Variants in RAPGEF2 observed in about 807,000 individuals in gnomAD.
The protein encoded by RAPGEF2 is PDZ domain containing guanine nucleotide exchange factor (GEF) 1.
A neutral mutation model predicts 186.7 loss-of-function variants in RAPGEF2; 54 were observed. The observed-to-expected ratio is 0.29, with a 90% CI of 0.23 to 0.36. The LOEUF is 0.36. RAPGEF2 is among the 10% of genes least tolerant of loss of function. The pLI is 1.00. For synonymous variants in RAPGEF2, 712 were observed against 705.9 expected (o/e 1.01, Z -0.14); for missense variants, 1,532 against 2,045.0 (o/e 0.75, Z 4.84).
At chr4:159,202,794 G>T (rs1031866405) in intron 3 of RAPGEF2, among the ~76,000 whole-genome samples, 7 of 152,042 alleles carry the variant, frequency 4.6e-5, no homozygotes, top group Non-Finnish European at 8.8e-5. Flanking sequence ...TAGAGACGGG[G>T]TTTCACCATG....
intron 25 of RAPGEF2, among the ~76,000 whole-genome samples, chr4:159,348,677 T>C (rs1448035292): frequency 2.0e-5 from 3 of 152,236 alleles, no homozygotes; most frequent in Non-Finnish European, 4.4e-5. Flanking sequence ...GTCTTCACTT[T>C]AGCTAAAAAT....
chr4:159,287,700 G>A (rs924908719), intron 7 of RAPGEF2, among the ~76,000 whole-genome samples: 2 of 152,018 alleles, frequency 1.3e-5, no homozygotes, highest in African/African-American at 4.8e-5. Flanking sequence ...GATTTATGGG[G>A]GTTTGTGGAA....
At chr4:159,145,279 T>C (rs1264768253) in intron 1 of RAPGEF2, among the ~76,000 whole-genome samples, 1 of 152,194 alleles carries the variant, frequency 6.6e-6, no homozygotes, top group Non-Finnish European at 1.5e-5. Context: ...GTTATATCAG[T>C]GCTTGCTGTC....
At chr4:159,214,080 TTG>T (rs1209414417) in intron 4 of RAPGEF2, among the ~76,000 whole-genome samples, 8 of 152,258 alleles carry the variant, frequency 5.3e-5, no homozygotes, top group Non-Finnish European at 8.8e-5. Context: ...TTCAGTTTCT[TTG>T]TATCAATGGA....
intron 1 of RAPGEF2, among the ~76,000 whole-genome samples, chr4:159,153,300 A>C (rs934177521): frequency 2.0e-5 from 3 of 152,100 alleles, no homozygotes; most frequent in Non-Finnish European, 2.9e-5. Context: ...GGGGTTCACC[A>C]CCCACCCCCC....
chr4:159,185,038 T>C (rs967659199), intron 1 of RAPGEF2, among the ~76,000 whole-genome samples: 10 of 152,118 alleles, frequency 6.6e-5, no homozygotes, highest in Admixed American at 2.0e-4. Flanking sequence ...TAGACACTTA[T>C]CCAAGAAGTT....
chr4:159,172,143 A>G (rs907339092), intron 1 of RAPGEF2, among the ~76,000 whole-genome samples: 4 of 152,234 alleles, frequency 2.6e-5, no homozygotes, highest in Admixed American at 2.6e-4. Context: ...GCCACACACT[A>G]GTGAGAATTC....
chr4:159,206,887 A>C (rs751605018), intron 3 of RAPGEF2, among the ~76,000 whole-genome samples: 6 of 152,186 alleles, frequency 3.9e-5, no homozygotes, highest in African/African-American at 1.4e-4. Context: ...GCTTACAACT[A>C]TTTCCAGAAC....
At chr4:159,168,530 G>T (rs939040177) in intron 1 of RAPGEF2, among the ~76,000 whole-genome samples, 2 of 151,826 alleles carry the variant, frequency 1.3e-5, no homozygotes, top group African/African-American at 4.8e-5. Flanking sequence ...ACAGCTGGTG[G>T]TTCTGCCAAG....
rs146623133 is a variant in RAPGEF2, at chr4:159,357,326, A to T, written c.4958-788A>T. 3.1e-3 allele frequency among the ~76,000 whole-genome samples: 477 copies of T among 152,304 alleles called. 2 individuals are homozygous for T. The highest frequency in any genetic ancestry group is 0.011 in the African/African-American group (451 of 41,578). ...TGGTGACCCATGATTGTGCCACTGCACCGTAGCCTAGGTAGCAGAGCAAGA... is the reference window on the plus strand; with the variant it reads ...TGGTGACCCATGATTGTGCCACTGCTCCGTAGCCTAGGTAGCAGAGCAAGA... On this transcript the variant is annotated intron_variant, in intron 29 of 29. Transcript: ENST00000691494.
At chr4:159,226,447 G>C (rs758897101) in intron 4 of RAPGEF2, among the ~76,000 whole-genome samples, 1 of 152,012 alleles carries the variant, frequency 6.6e-6, no homozygotes, top group Non-Finnish European at 1.5e-5. Flanking sequence ...CTTTGTTCTT[G>C]ATTGTTTTTA....
intron 4 of RAPGEF2, among the ~76,000 whole-genome samples, chr4:159,226,864 G>A (rs1001491262): frequency 5.9e-5 from 9 of 152,172 alleles, no homozygotes; most frequent in African/African-American, 2.2e-4. Flanking sequence ...ATGGGCTCAT[G>A]AGAAAAGTCC....
chr4:159,185,872 A>T (rs1747503430), intron 1 of RAPGEF2, among the ~76,000 whole-genome samples: 1 of 152,304 alleles, frequency 6.6e-6, no homozygotes, highest in South Asian at 2.1e-4. Context: ...ATTTCTTAAA[A>T]TAGATCTGTT....
Position 159,352,613 on chromosome 4 carries a change from C to T in RAPGEF2, c.3866-72C>T, listed in dbSNP as rs560847746. ...CTATGCCTGCATTTTATTTTTGCTT[C>T]TATTTGGTAGACTTCCCTTTGATGT... On this transcript the variant is annotated intron_variant, in intron 26 of 29. Transcript: ENST00000691494. 1.9e-5 allele frequency: 24 copies of T among 1,273,246 alleles called. No homozygotes were observed. The African/African-American group carries it at 3.4e-4, about 18-fold the overall frequency. The allele number at this position is 1,273,246 out of a possible 1,614,324, so 78.9% of individuals were successfully genotyped here. A position where few individuals can be genotyped will look rare whatever the true frequency, so the allele number is the denominator to read the frequency against.
At chr4:159,259,881 G>A (rs1756603137) in intron 7 of RAPGEF2, among the ~76,000 whole-genome samples, 1 of 152,034 alleles carries the variant, frequency 6.6e-6, no homozygotes, top group African/African-American at 2.4e-5. Flanking sequence ...TCAGATTATT[G>A]TTTAAAATCA....
rs190103821 is a variant in RAPGEF2, at chr4:159,269,544, A to G, written c.543+25753A>G. The stretch of plus-strand genomic sequence containing the variant: ...TTTGAAATTAAACTCTTCTGTAGTC[A>G]TGATTTTCCAGGTAAAAGTAAGAGT... On this transcript the variant is annotated intron_variant, in intron 7 of 29. Coordinates refer to ENST00000691494, the MANE Select transcript of RAPGEF2 (RefSeq NM_001394067.2). 4.0e-3 allele frequency among the ~76,000 whole-genome samples: 606 copies of G among 152,336 alleles called. 4 individuals carry two copies. The highest frequency in any genetic ancestry group is 0.014 in the African/African-American group (575 of 41,584).
chr4:159,171,524 A>G (rs1315124304), intron 1 of RAPGEF2, among the ~76,000 whole-genome samples: 1 of 152,068 alleles, frequency 6.6e-6, no homozygotes, highest in African/African-American at 2.4e-5. Flanking sequence ...TGGCAAGCAG[A>G]GAGTATGCAG....
chr4:159,180,292 C>T (rs918231021), intron 1 of RAPGEF2, among the ~76,000 whole-genome samples: 3 of 152,088 alleles, frequency 2.0e-5, no homozygotes, highest in Non-Finnish European at 4.4e-5. Flanking sequence ...TTTCATTTTT[C>T]GGGGTCTGAG....
chr4:159,357,430 T>C (rs963962074), intron 29 of RAPGEF2, among the ~76,000 whole-genome samples: 3 of 152,214 alleles, frequency 2.0e-5, no homozygotes, highest in Admixed American at 2.0e-4. Context: ...TTTATAACTC[T>C]TTGTGCGTTC....
Sources: allele counts gnomAD v4.1 joint callset (sites outside exome capture counted in the v4.1 genomes callset), GRCh38; gene constraint gnomAD v4.1.1; transcripts MANE v1.5; gene names NCBI Gene and HGNC (gene_info 2026-07-23, HGNC 2026-07-21).